KIAA1217: variants seen among roughly 807,000 people sequenced by gnomAD.
KIAA1217 encodes KIAA1217.
Under a neutral mutation model 163.9 loss-of-function variants are expected in KIAA1217, and 88 were observed. The observed-to-expected ratio is 0.54, with a 90% CI of 0.45 to 0.64. The LOEUF (loss-of-function observed/expected upper bound fraction) is 0.64. Ranked by LOEUF, KIAA1217 falls within the 30% of genes least tolerant of loss-of-function variation. The pLI is 0.00. For synonymous variants in KIAA1217, 903 were observed against 923.1 expected, an observed-to-expected ratio of 0.98 and a Z score of 0.39; for missense variants, 2,372 against 2,475.0, an observed-to-expected ratio of 0.96 and a Z score of 0.88.
chr10:23,812,802 T>G (rs376233675), intron 1 of KIAA1217, among the ~76,000 whole-genome samples: 234 of 152,270 alleles, frequency 1.5e-3, no homozygotes, highest in African/African-American at 5.4e-3. Context: ...ATGTGGTTTT[T>G]TGTGTGTGTG....
chr10:24,233,420 G>A (rs1382042062), intron 2 of KIAA1217, among the ~76,000 whole-genome samples: 1 of 152,118 alleles, frequency 6.6e-6, no homozygotes, highest in East Asian at 1.9e-4. Context: ...TCAACTTTGG[G>A]GATCAAATTT....
intron 2 of KIAA1217, among the ~76,000 whole-genome samples, chr10:24,193,268 G>A (rs956974468): frequency 2.0e-5 from 3 of 152,122 alleles, no homozygotes; most frequent in African/African-American, 4.8e-5. Flanking sequence ...GCTTCTTAAG[G>A]TTCCCTCAGT....
At chr10:23,926,680 A>G (rs374526455) in intron 1 of KIAA1217, among the ~76,000 whole-genome samples, 4 of 152,052 alleles carry the variant, frequency 2.6e-5, no homozygotes, top group African/African-American at 9.6e-5. Context: ...AGCTGAGATC[A>G]TGCCATTGCA....
At chr10:23,773,914 A>G (rs1834902523) in intron 1 of KIAA1217, among the ~76,000 whole-genome samples, 1 of 152,028 alleles carries the variant, frequency 6.6e-6, no homozygotes, top group Non-Finnish European at 1.5e-5. Flanking sequence ...AACAGGGACA[A>G]TTTGACTTCC....
chr10:24,146,725 CA>C (rs1198032258), intron 2 of KIAA1217, among the ~76,000 whole-genome samples: 1 of 151,974 alleles, frequency 6.6e-6, no homozygotes, highest in African/African-American at 2.4e-5. Flanking sequence ...AAGGAGAATG[CA>C]ATAGGCCCAG....
At chr10:24,165,436 C>T (rs796320163) in intron 2 of KIAA1217, among the ~76,000 whole-genome samples, 19 of 152,246 alleles carry the variant, frequency 1.2e-4, no homozygotes, top group African/African-American at 3.4e-4. Context: ...AAACAGAAAA[C>T]GAAAACCACC....
chr10:23,789,445 C>T (rs142405033), intron 1 of KIAA1217, among the ~76,000 whole-genome samples: 1 of 152,234 alleles, frequency 6.6e-6, no homozygotes, highest in East Asian at 1.9e-4. Context: ...CTTAGTGCAG[C>T]CTTATACCAC....
In KIAA1217 at chr10:24,473,442, T is replaced by C. The variant is rs2133069937; in HGVS notation, c.1061T>C (p.Leu354Pro). The C allele has an allele frequency of 6.2e-7, 1 of 1,614,150 alleles. No homozygotes were observed. The highest frequency in any genetic ancestry group is 8.5e-7 in the Non-Finnish European group (1 of 1,180,026). Residue 354 changes from leucine to proline, a missense_variant, in exon 6 of 21, where the codon CTG (leucine) becomes CCG (proline). This residue lies in a region of KIAA1217 where 1,431 missense variants were observed against 1,470.3 expected (regional missense o/e 0.97). Transcript: ENST00000376454. The part of the protein sequence containing the change: ...ATIPRDRISS[L>P]PVSRPISPSP... ...ATCCCCAGGGACAGAATCTCCAGCC[T>C]GCCAGTCTCCAGACCCATCTCTCCA...
intron 2 of KIAA1217, among the ~76,000 whole-genome samples, chr10:24,256,046 C>CA (rs11358712): frequency 0.013 from 1,011 of 78,834 alleles, 12 homozygotes; most frequent in African/African-American, 0.033. Context: ...CTCAGATGAC[C>CA]AAAAAAAAAA....
At chr10:24,175,115 G>T (rs1042981650) in intron 2 of KIAA1217, among the ~76,000 whole-genome samples, 21 of 152,062 alleles carry the variant, frequency 1.4e-4, no homozygotes, top group African/African-American at 5.1e-4. Flanking sequence ...GCCCACCTTG[G>T]CCTCCCGAAG....
At chr10:24,490,692 T>G (rs74122808) in intron 6 of KIAA1217, among the ~76,000 whole-genome samples, 3,242 of 152,236 alleles carry the variant, frequency 0.021, 90 homozygotes, top group African/African-American at 0.07. Context: ...GTCAAGAGAG[T>G]AGAGCATACA....
intron 2 of KIAA1217, among the ~76,000 whole-genome samples, chr10:24,141,228 C>CCG (rs1554882530): frequency 2.6e-5 from 3 of 116,188 alleles, no homozygotes. Context: ...AGAATAAACC[C>CCG]CCCCCCCCCA....
At chr10:23,905,614 C>A (rs1055083330) in intron 1 of KIAA1217, among the ~76,000 whole-genome samples, 1 of 152,030 alleles carries the variant, frequency 6.6e-6, no homozygotes, top group African/African-American at 2.4e-5. Context: ...TGCTCTGCCA[C>A]AGGCTTCTGA....
intron 2 of KIAA1217, among the ~76,000 whole-genome samples, chr10:24,144,000 A>C (rs1341540137): frequency 6.6e-6 from 1 of 152,184 alleles, no homozygotes; most frequent in Admixed American, 6.5e-5. Context: ...CTCTGTAAAA[A>C]TGAATGTGCA....
At chr10:24,183,780 T>A (rs1564800622) in intron 2 of KIAA1217, among the ~76,000 whole-genome samples, 1 of 152,188 alleles carries the variant, frequency 6.6e-6, no homozygotes, top group Non-Finnish European at 1.5e-5. Flanking sequence ...TCAAAATTAG[T>A]CTACCTCGGG....
At position 23,756,058 on chromosome 10, in the gene KIAA1217, GGGAT is replaced by G. The variant is rs200604342; in HGVS notation, c.-321+60825_-321+60828del. ...TGCAGCCTCAAACTCCCAGGATCAA[GGGAT>G]CTTCCCACTTCAGCCTCCCAAGTAT... On this transcript the variant is annotated intron_variant, in intron 1 of 18. Transcript: ENST00000376462. Among the ~76,000 whole-genome samples the G allele has an allele frequency of 1.1e-3, 171 of 152,084 alleles. 12 individuals are homozygous for G. In the East Asian group the frequency reaches 0.026, roughly 24 times the overall value.
At chr10:23,981,703 C>A (rs139248352) in intron 1 of KIAA1217, among the ~76,000 whole-genome samples, 1 of 151,594 alleles carries the variant, frequency 6.6e-6, no homozygotes, top group Non-Finnish European at 1.5e-5. Context: ...CAAGACCAGC[C>A]CTGTTTGTGG....
At chr10:24,320,189 T>C (rs2043955535) in intron 2 of KIAA1217, among the ~76,000 whole-genome samples, 1 of 152,206 alleles carries the variant, frequency 6.6e-6, no homozygotes, top group Non-Finnish European at 1.5e-5. Flanking sequence ...TCCAAGGAGA[T>C]TATATTTTTA....
intron 3 of KIAA1217, among the ~76,000 whole-genome samples, chr10:24,423,387 T>G (rs890042594): frequency 1.3e-5 from 2 of 152,028 alleles, no homozygotes; most frequent in African/African-American, 4.8e-5. Context: ...TGAGTTCAAG[T>G]GATTCTCCTG....
Sources: allele counts gnomAD v4.1 joint callset (sites outside exome capture counted in the v4.1 genomes callset), GRCh38; gene constraint gnomAD v4.1.1; regional missense constraint gnomAD v4.1.1; transcripts MANE v1.5; gene names NCBI Gene and HGNC (gene_info 2026-07-23, HGNC 2026-07-21).